The following GPC5 variants were observed in gnomAD, a reference collection of about 807,000 sequenced individuals.
GPC5 encodes glypican 5.
Under a neutral mutation model 53.9 loss-of-function variants are expected in GPC5, and 47 were observed. The observed-to-expected ratio is 0.87, with a 90% CI of 0.69 to 1.11. The LOEUF (loss-of-function observed/expected upper bound fraction) is 1.11. Among genes scored for constraint, GPC5 ranks in the 50% most tolerant of loss-of-function variants. The pLI is 0.00. For synonymous variants in GPC5, 286 were observed against 263.3 expected (o/e 1.09, Z -0.84); for missense variants, 748 against 713.1 (o/e 1.05, Z -0.56).
At chr13:91,774,463 A>T (rs1339028177) in intron 5 of GPC5, among the ~76,000 whole-genome samples, 1 of 152,166 alleles carries the variant, frequency 6.6e-6, no homozygotes, top group Non-Finnish European at 1.5e-5. Context: ...CTTGGAGATT[A>T]TAGCACCTGT....
At chr13:92,079,137 C>T (rs183024390) in intron 6 of GPC5, among the ~76,000 whole-genome samples, 32 of 152,128 alleles carry the variant, frequency 2.1e-4, no homozygotes, top group East Asian at 7.8e-4. Flanking sequence ...CTGCAACCTC[C>T]GCCTTCTGGT....
At chr13:92,735,544 A>G (rs1051583581) in intron 7 of GPC5, among the ~76,000 whole-genome samples, 1 of 151,996 alleles carries the variant, frequency 6.6e-6, no homozygotes, top group East Asian at 1.9e-4. Context: ...TGAGAACTGC[A>G]TATTCTGAAA....
chr13:92,663,858 AT>A (rs1886465821), intron 7 of GPC5, among the ~76,000 whole-genome samples: 1 of 2,732 alleles, frequency 3.7e-4, no homozygotes, highest in Non-Finnish European at 8.8e-4. Context: ...CACACACACT[AT>A]ATATATATAT....
chr13:91,814,390 A>G (rs1395748988), intron 5 of GPC5, among the ~76,000 whole-genome samples: 1 of 152,134 alleles, frequency 6.6e-6, no homozygotes, highest in Admixed American at 6.5e-5. Context: ...GGTTTTGTAT[A>G]TCCAGTTACA....
At chr13:91,925,037 T>C (rs2039753674) in intron 6 of GPC5, among the ~76,000 whole-genome samples, 1 of 152,078 alleles carries the variant, frequency 6.6e-6, no homozygotes, top group South Asian at 2.1e-4. Context: ...ACCAGGATGG[T>C]CTCGATCTCC....
intron 2 of GPC5, among the ~76,000 whole-genome samples, chr13:91,514,412 T>G (rs1885389144): frequency 6.6e-6 from 1 of 152,178 alleles, no homozygotes; most frequent in Non-Finnish European, 1.5e-5. Flanking sequence ...GAACATATTC[T>G]TATATGCTTA....
At position 92,472,984 on chromosome 13, in the gene GPC5, T is replaced by C. The variant is rs139725562; in HGVS notation, c.1561+327995T>C. ...CTAGATAATTCTGTTTGGTATCTAA[T>C]GAAAAAACTGATCTAAAACATTAAT... On this transcript the variant is annotated intron_variant, in intron 7 of 7. Transcript: ENST00000377067. Among the ~76,000 whole-genome samples, 1,202 of 152,210 alleles carry C rather than the reference T, an allele frequency of 7.9e-3. 18 individuals are homozygous for C. The highest frequency in any genetic ancestry group is 0.028 in the African/African-American group (1,160 of 41,554).
At position 92,781,394 on chromosome 13, in the gene GPC5, T is replaced by TAAAC. The variant is rs1876019136; in HGVS notation, c.1562-84886_1562-84883dup. ...TTTCTGGATATCTGATACCTTTCTT[T>TAAAC]AAACACTTTAAAATTTCACTTATCC... On this transcript the variant is annotated intron_variant, in intron 7 of 7. Coordinates refer to ENST00000377067, the MANE Select transcript of GPC5 (RefSeq NM_004466.6). Among the ~76,000 whole-genome samples, 3 of 152,252 alleles carry TAAAC rather than the reference T, an allele frequency of 2.0e-5. No individual in the cohort carries two copies. In the South Asian group the frequency reaches 6.2e-4, roughly 32 times the overall value.
chr13:92,509,190 A>T (rs1407480832), intron 7 of GPC5, among the ~76,000 whole-genome samples: 2 of 152,196 alleles, frequency 1.3e-5, no homozygotes, highest in Non-Finnish European at 2.9e-5. Flanking sequence ...ATTACATCCC[A>T]GCAACATCAA....
intron 5 of GPC5, among the ~76,000 whole-genome samples, chr13:91,863,947 C>T (rs530598697): frequency 6.6e-6 from 1 of 152,276 alleles, no homozygotes; most frequent in South Asian, 2.1e-4. Flanking sequence ...TTCTATTTCT[C>T]TGCAGAACTC....
intron 6 of GPC5, among the ~76,000 whole-genome samples, chr13:91,919,854 C>T (rs920084270): frequency 1.1e-4 from 17 of 152,150 alleles, no homozygotes; most frequent in African/African-American, 3.1e-4. Context: ...TGCCTATTTT[C>T]GGAATGCTGG....
Position 92,353,266 on chromosome 13 carries a change from CA to C in GPC5, c.1561+208295del, listed in dbSNP as rs563794696. On this transcript the variant is annotated intron_variant, in intron 7 of 7. Coordinates refer to ENST00000377067, the MANE Select transcript of GPC5 (RefSeq NM_004466.6). The stretch of plus-strand genomic sequence containing the variant: ...TGGGCGACAGAGCGAGACTCCGTCT[CA>C]AAAAAAAAAAAAAAAAAGAAATGTG... Among the ~76,000 whole-genome samples, 109 of 66,920 alleles carry C rather than the reference CA, an allele frequency of 1.6e-3. 1 individual carries two copies. The highest frequency in any genetic ancestry group is 0.011 in the South Asian group (19 of 1,754). The allele number at this position is 66,920 out of a possible 152,430, so 43.9% of individuals were successfully genotyped here.
intron 7 of GPC5, among the ~76,000 whole-genome samples, chr13:92,289,461 G>A (rs1198990977): frequency 6.6e-6 from 1 of 151,942 alleles, no homozygotes; most frequent in Non-Finnish European, 1.5e-5. Flanking sequence ...TAAATATCAT[G>A]AATTATTTAA....
chr13:92,142,610 C>A (rs2138980760), intron 6 of GPC5, among the ~76,000 whole-genome samples: 1 of 152,182 alleles, frequency 6.6e-6, no homozygotes, highest in Non-Finnish European at 1.5e-5. Context: ...CACTTTCAAC[C>A]AAAATCAATT....
chr13:92,620,118 A>T (rs1300731707), intron 7 of GPC5, among the ~76,000 whole-genome samples: 2 of 152,106 alleles, frequency 1.3e-5, no homozygotes, highest in African/African-American at 4.8e-5. Context: ...CTTCCATACC[A>T]CTTAATCTTT....
rs143581103 is a variant in GPC5 at position 92,367,440 on chromosome 13, C to T, written c.1561+222451C>T. ...TTTTCTTTGTAATGGATTTGCTTAC[C>T]AATATCTTCAACAACAAAAGCATTT... is the stretch of plus-strand genomic sequence containing the variant. On this transcript the variant is annotated intron_variant, in intron 7 of 7. Coordinates refer to ENST00000377067, the MANE Select transcript of GPC5 (RefSeq NM_004466.6). Among the ~76,000 whole-genome samples the T allele has an allele frequency of 5.2e-3, 795 of 152,192 alleles. 5 individuals are homozygous for T. The highest frequency in any genetic ancestry group is 0.018 in the African/African-American group (766 of 41,534).
At chr13:91,399,303 C>A (rs1242936692) in intron 1 of GPC5, 94 bp downstream of exon 1, 1 of 1,413,524 alleles carries the variant, frequency 7.1e-7, no homozygotes, top group Admixed American at 2.3e-5. Context: ...GGAAGATGAC[C>A]TTTCGGGCCC....
intron 7 of GPC5, among the ~76,000 whole-genome samples, chr13:92,754,906 C>T (rs1279705587): frequency 1.3e-5 from 2 of 149,138 alleles, no homozygotes; most frequent in Non-Finnish European, 3.0e-5. Context: ...CCACTGTCAA[C>T]ATTAGACAGA....
intron 7 of GPC5, among the ~76,000 whole-genome samples, chr13:92,531,585 T>C (rs971261963): frequency 6.6e-6 from 1 of 152,172 alleles, no homozygotes; most frequent in Admixed American, 6.6e-5. Context: ...TTAAATCTTA[T>C]GATCACCTTC....
Sources: allele counts gnomAD v4.1 joint callset (sites outside exome capture counted in the v4.1 genomes callset), GRCh38; gene constraint gnomAD v4.1.1; transcripts MANE v1.5; gene names NCBI Gene and HGNC (gene_info 2026-07-23, HGNC 2026-07-21).